Variants in ATP10B observed in about 807,000 individuals in gnomAD.
ATP10B encodes the protein phospholipid-transporting ATPase VB.
A neutral mutation model predicts 141.2 loss-of-function variants in ATP10B; 122 were observed. The ratio of observed to expected loss-of-function variants is 0.86; its 90% confidence interval spans 0.75 to 1.00. ATP10B has a LOEUF of 1.00. Ranked by LOEUF, ATP10B falls within the 50% of genes least tolerant of loss-of-function variation. ATP10B has a pLI of 0.00. For missense variants in ATP10B, 1,876 were observed against 1,825.3 expected (o/e 1.03, Z -0.51); for synonymous variants, 685 against 692.0 (o/e 0.99, Z 0.16).
At chr5:160,782,461 A>T (rs1438079991) in intron 2 of ATP10B, among the ~76,000 whole-genome samples, 3 of 150,540 alleles carry the variant, frequency 2.0e-5, no homozygotes, top group African/African-American at 7.3e-5. Context: ...ACACACACAC[A>T]CACACACACA....
At chr5:160,792,376 A>C (rs1277421048) in intron 1 of ATP10B, among the ~76,000 whole-genome samples, 1 of 152,074 alleles carries the variant, frequency 6.6e-6, no homozygotes, top group East Asian at 1.9e-4. Flanking sequence ...CCTGGATCTA[A>C]GTGTTATCTG....
At chr5:160,707,340 A>G (rs1350119014) in intron 3 of ATP10B, among the ~76,000 whole-genome samples, 1 of 152,174 alleles carries the variant, frequency 6.6e-6, no homozygotes, top group African/African-American at 2.4e-5. Flanking sequence ...GATCCCCCAA[A>G]TCTAGGACCC....
the ATP10B span, among the ~76,000 whole-genome samples, chr5:160,927,238 T>A: frequency 6.6e-6 from 1 of 152,172 alleles, no homozygotes; most frequent in Non-Finnish European, 1.5e-5. Flanking sequence ...ACTGGAAATT[T>A]AAGTGGGTGG....
chr5:160,591,032 T>A, intron 23 of ATP10B, 27 bp downstream of exon 23: 2 of 1,565,318 alleles, frequency 1.3e-6, no homozygotes, highest in East Asian at 2.3e-5. Flanking sequence ...GCAATTTATG[T>A]GGTTAGAATG....
In ATP10B at chr5:160,622,429, C is replaced by CA; in HGVS notation, c.1776dup (p.Val593CysfsTer52). On this transcript the variant is annotated frameshift_variant, in exon 14 of 26. Coordinates refer to ENST00000327245, the MANE Select transcript of ATP10B (RefSeq NM_025153.3). LOFTEE classifies it high-confidence loss of function. The stretch of plus-strand genomic sequence containing the variant: ...GGCTCGGTGGTTGTGGACACCATGA[C>CA]AGAGTTGCAGATGGTTAAGGCAAGG... 4 of 1,613,852 alleles carry CA rather than the reference C, an allele frequency of 2.5e-6. No homozygotes were observed. Among genetic ancestry groups the CA allele is most frequent in the Non-Finnish European group, 3.4e-6 (4 of 1,179,964 alleles).
intron 2 of ATP10B, among the ~76,000 whole-genome samples, chr5:160,784,312 A>G (rs4921338): frequency 0.1 from 15,321 of 152,208 alleles, 882 homozygotes; most frequent in Middle Eastern, 0.13. Flanking sequence ...AATGAATTTG[A>G]GAGTCCTTTT....
At chr5:160,767,634 A>ATCCCCCC (rs1561833441) in intron 2 of ATP10B, among the ~76,000 whole-genome samples, 1 of 92,310 alleles carries the variant, frequency 1.1e-5, no homozygotes, top group Admixed American at 1.4e-4. Flanking sequence ...ATGTGTGCAG[A>ATCCCCCC]ACCCCCCCCC....
intron 7 of ATP10B, among the ~76,000 whole-genome samples, chr5:160,664,869 C>T (rs530464440): frequency 2.0e-5 from 3 of 152,300 alleles, no homozygotes; most frequent in East Asian, 3.9e-4. Flanking sequence ...ATAACTGTTA[C>T]ATTTATCAAA....
chr5:160,662,736 G>A (rs904506800), intron 7 of ATP10B, among the ~76,000 whole-genome samples: 2 of 152,162 alleles, frequency 1.3e-5, no homozygotes, highest in Non-Finnish European at 2.9e-5. Flanking sequence ...ATAGGCATGG[G>A]CAAGGACTTC....
chr5:160,567,199 C>G (rs1298337274), intron 25 of ATP10B, among the ~76,000 whole-genome samples: 1 of 152,062 alleles, frequency 6.6e-6, no homozygotes, highest in Non-Finnish European at 1.5e-5. Context: ...GGCCAGGTCC[C>G]CAAGGGATTA....
In ATP10B at chr5:160,670,729, G is replaced by A. The variant is rs1762638351; in HGVS notation, c.471-62C>T. 2.0e-6 allele frequency: 3 copies of A among 1,479,374 alleles called. No individual in the cohort carries two copies. In the Admixed American group the frequency reaches 5.2e-5, roughly 26 times the overall value. 91.6% of individuals were successfully genotyped at this position (1,479,374 alleles called of 1,614,324 possible). A position where few individuals can be genotyped will look rare whatever the true frequency, so the allele number is the denominator to read the frequency against. ...AAGTTTCCTCAGAACACTAATGAAA[G>A]AATAGAGGAAGGTCCCACCAGCACC... On this transcript the variant is annotated intron_variant, in intron 6 of 25. Coordinates refer to ENST00000327245, the MANE Select transcript of ATP10B (RefSeq NM_025153.3).
At chr5:160,776,544 G>T (rs888836813) in intron 2 of ATP10B, among the ~76,000 whole-genome samples, 1 of 152,202 alleles carries the variant, frequency 6.6e-6, no homozygotes, top group Non-Finnish European at 1.5e-5. Context: ...CAGAGGGCAA[G>T]AAATGTACCA....
the ATP10B span, among the ~76,000 whole-genome samples, chr5:160,914,896 G>A: frequency 6.6e-6 from 1 of 152,214 alleles, no homozygotes; most frequent in Non-Finnish European, 1.5e-5. Flanking sequence ...CTGAGGAACA[G>A]CATGACAACT....
intron 3 of ATP10B, among the ~76,000 whole-genome samples, chr5:160,704,804 T>A (rs1390219384): frequency 6.6e-6 from 1 of 151,978 alleles, no homozygotes; most frequent in African/African-American, 2.4e-5. Context: ...AGCTTCTACA[T>A]CAGCACTTGC....
chr5:160,687,017 G>C (rs749096263), intron 5 of ATP10B: 3 of 939,188 alleles, frequency 3.2e-6, no homozygotes, highest in Non-Finnish European at 3.8e-6. Flanking sequence ...GCATGTACAG[G>C]TCTGTCTGCA....
At position 160,615,922 on chromosome 5, in the gene ATP10B, G is replaced by A. The variant is rs754306962; in HGVS notation, c.2569C>T (p.Arg857Cys). 9.9e-6 allele frequency: 16 copies of A among 1,613,724 alleles called. No homozygotes were observed. In the East Asian group the frequency reaches 1.1e-4, roughly 11 times the overall value. The change falls in exon 17 of 26, where the codon CGT becomes TGT. Residue 857 changes from arginine to cysteine, a missense_variant. Coordinates refer to ENST00000327245, the MANE Select transcript of ATP10B (RefSeq NM_025153.3). ...TTGTCGAGGGATGCCTCAGCCTCACGCCGGAAACTGGCCCATCTCCGGAAG... is the reference window on the plus strand; with the variant it reads ...TTGTCGAGGGATGCCTCAGCCTCACACCGGAAACTGGCCCATCTCCGGAAG... ...EDFRRWASFR[R>C]EAEASLDNRD... is the part of the protein sequence containing the mutation.
At chr5:160,632,399 T>A in intron 12 of ATP10B, 32 bp from the exon 13 acceptor site, 1 of 1,598,614 alleles carries the variant, frequency 6.3e-7, no homozygotes, top group Non-Finnish European at 8.6e-7. Flanking sequence ...ATTGCACTAG[T>A]TGTACCTCGG....
At chr5:160,751,595 C>T (rs76139962) in intron 2 of ATP10B, among the ~76,000 whole-genome samples, 10,780 of 152,078 alleles carry the variant, frequency 0.071, 373 homozygotes, top group Middle Eastern at 0.099. Context: ...GACTGGTTCT[C>T]GGTGACCTAG....
intron 3 of ATP10B, among the ~76,000 whole-genome samples, chr5:160,716,008 C>T (rs957936759): frequency 2.0e-5 from 3 of 152,134 alleles, no homozygotes; most frequent in African/African-American, 7.2e-5. Flanking sequence ...CATACCCGGC[C>T]AGAATTTAGT....
Sources: gnomAD v4.1 joint callset for allele counts (sites outside exome capture counted in the v4.1 genomes callset) on GRCh38, gnomAD v4.1.1 for gene constraint, MANE v1.5 for transcripts, NCBI Gene and HGNC (gene_info 2026-07-23, HGNC 2026-07-21) for gene names.